CALN1: variants seen among roughly 807,000 people sequenced by gnomAD.
The protein encoded by CALN1 is calneuron 1, also known as calcium-binding protein 8.
In CALN1, 17 loss-of-function variants were observed where a neutral mutation model predicts 30.6. That is an observed-to-expected ratio of 0.56 (90% CI 0.38 to 0.83). The LOEUF (loss-of-function observed/expected upper bound fraction) is 0.83. CALN1 is among the 40% of genes least tolerant of loss of function. The pLI is 0.00. For missense variants in CALN1, 291 were observed against 354.9 expected, an observed-to-expected ratio of 0.82 and a Z score of 1.45; for synonymous variants, 156 against 131.4, an observed-to-expected ratio of 1.19 and a Z score of -1.28.
intron 3 of CALN1, among the ~76,000 whole-genome samples, chr7:72,210,342 A>G (rs1045688597): frequency 1.3e-5 from 2 of 152,240 alleles, no homozygotes; most frequent in African/African-American, 4.8e-5. Context: ...TTTTGTGCTA[A>G]GATTTTGTGC....
intron 3 of CALN1, among the ~76,000 whole-genome samples, chr7:72,267,019 A>C (rs1331849374): frequency 6.6e-6 from 1 of 152,190 alleles, no homozygotes; most frequent in Non-Finnish European, 1.5e-5. Context: ...TGGGATGATG[A>C]TGTGGCTCAT....
chr7:72,321,751 G>A (rs1450417305), intron 2 of CALN1, among the ~76,000 whole-genome samples: 1 of 152,204 alleles, frequency 6.6e-6, no homozygotes, highest in Non-Finnish European at 1.5e-5. Context: ...TATACCCGCA[G>A]TCTTTCTGGA....
At chr7:72,103,035 T>C (rs11767138) in intron 4 of CALN1, 29,962 of 138,340 alleles carry the variant, frequency 0.22, 3,333 homozygotes, top group Admixed American at 0.31. Context: ...ATTGTGCCAC[T>C]GCACTCCAGC....
intron 3 of CALN1, among the ~76,000 whole-genome samples, chr7:72,120,842 G>C (rs904487755): frequency 2.6e-5 from 4 of 152,074 alleles, no homozygotes; most frequent in Non-Finnish European, 5.9e-5. Flanking sequence ...GGGATGGTGA[G>C]TGAACCCCAC....
At chr7:72,423,415 G>T (rs1177535616) in intron 1 of CALN1, among the ~76,000 whole-genome samples, 2 of 152,182 alleles carry the variant, frequency 1.3e-5, no homozygotes, top group Non-Finnish European at 2.9e-5. Context: ...GGCAGGGCAG[G>T]AGGTTTTCCT....
intron 1 of CALN1, among the ~76,000 whole-genome samples, chr7:72,436,294 T>G (rs957807428): frequency 2.6e-5 from 4 of 152,196 alleles, no homozygotes; most frequent in African/African-American, 9.7e-5. Context: ...GTTCTCATGA[T>G]AGTGACTAAG....
chr7:72,179,374 C>T (rs1287901731), intron 3 of CALN1, among the ~76,000 whole-genome samples: 1 of 152,016 alleles, frequency 6.6e-6, no homozygotes, highest in African/African-American at 2.4e-5. Flanking sequence ...TAATGGCTAG[C>T]GCTGGCAAAT....
intron 3 of CALN1, among the ~76,000 whole-genome samples, chr7:72,172,504 C>G (rs535488760): frequency 1.3e-5 from 2 of 152,278 alleles, no homozygotes; most frequent in African/African-American, 4.8e-5. Context: ...ACCAATAACT[C>G]TAGTGAACAA....
Position 72,191,518 on chromosome 7 carries a change from C to T in CALN1, c.245-85224G>A, listed in dbSNP as rs529653217. On this transcript the variant is annotated intron_variant, in intron 3 of 6. Coordinates refer to ENST00000395275, the MANE Select transcript of CALN1 (RefSeq NM_031468.4). ...ATGGGAGGCTGAAGCAGGAGAATCG[C>T]GGGTACCCAGGAGGCAGAGGTGAGA... Among the ~76,000 whole-genome samples the T allele has an allele frequency of 4.9e-5, 6 of 122,680 alleles. No homozygotes were observed. In the East Asian group the frequency reaches 1.5e-3, roughly 30 times the overall value. The allele number at this position is 122,680 out of a possible 152,430, so 80.5% of individuals were successfully genotyped here. A position where few individuals can be genotyped will look rare whatever the true frequency, so the allele number is the denominator to read the frequency against.
chr7:72,159,183 A>G (rs1318980518), intron 3 of CALN1, among the ~76,000 whole-genome samples: 1 of 152,170 alleles, frequency 6.6e-6, no homozygotes, highest in Non-Finnish European at 1.5e-5. Context: ...AGAAACAAAC[A>G]AAAAGCCTCT....
intron 2 of CALN1, among the ~76,000 whole-genome samples, chr7:72,333,755 C>G (rs1801826940): frequency 6.6e-6 from 1 of 151,656 alleles, no homozygotes; most frequent in Non-Finnish European, 1.5e-5. Context: ...CCAGTACAGG[C>G]ACACGTGACA....
chr7:72,274,438 G>GT lies in CALN1; in HGVS notation c.244+4247dup, dbSNP rs1465857649. 2.0e-5 allele frequency among the ~76,000 whole-genome samples: 3 copies of GT among 151,720 alleles called. No individual in the cohort carries two copies. The East Asian group carries it at 5.8e-4, about 29-fold the overall frequency. ...CAGGAGAATAGCTTGAACCTGGGAG[G>GT]TGGAGGTTGCAGTGAGCAAAGATCG... On this transcript the variant is annotated intron_variant, in intron 3 of 6. Coordinates refer to ENST00000395275, the MANE Select transcript of CALN1 (RefSeq NM_031468.4).
chr7:72,382,770 C>A (rs1206059957), intron 2 of CALN1, among the ~76,000 whole-genome samples: 1 of 152,102 alleles, frequency 6.6e-6, no homozygotes, highest in African/African-American at 2.4e-5. Context: ...CCCAGGTGCA[C>A]CCATGTTGCT....
chr7:71,927,356 T>G (rs186068233), intron 5 of CALN1, among the ~76,000 whole-genome samples: 119 of 152,240 alleles, frequency 7.8e-4, no homozygotes, highest in African/African-American at 2.7e-3. Flanking sequence ...ACCACAGGCG[T>G]GCACCACCAT....
chr7:72,295,783 T>C (rs973786906), intron 2 of CALN1, among the ~76,000 whole-genome samples: 34 of 151,864 alleles, frequency 2.2e-4, no homozygotes, highest in African/African-American at 8.2e-4. Flanking sequence ...TGGGGTTTTC[T>C]AGATATACAA....
chr7:72,012,737 G>C (rs1484813481), intron 5 of CALN1, among the ~76,000 whole-genome samples: 3 of 152,298 alleles, frequency 2.0e-5, no homozygotes, highest in Admixed American at 6.5e-5. Context: ...GTGGTCTCCA[G>C]TGAGTTCTTT....
the CALN1 span, among the ~76,000 whole-genome samples, chr7:72,462,963 A>G: frequency 6.6e-6 from 1 of 152,204 alleles, no homozygotes; most frequent in Admixed American, 6.5e-5. Context: ...GAACATTACT[A>G]TAGCAACAAT....
intron 3 of CALN1, among the ~76,000 whole-genome samples, chr7:72,240,837 A>G (rs1794780430): frequency 6.6e-6 from 1 of 152,216 alleles, no homozygotes; most frequent in African/African-American, 2.4e-5. Flanking sequence ...ACCTATACAA[A>G]TCAGAGTGTA....
intron 3 of CALN1, among the ~76,000 whole-genome samples, chr7:72,148,915 AG>A (rs1307401208): frequency 6.7e-6 from 1 of 150,106 alleles, no homozygotes; most frequent in Non-Finnish European, 1.5e-5. Flanking sequence ...AACAAAAAAA[AG>A]AAAGAAAGAA....
Sources: allele counts gnomAD v4.1 joint callset (sites outside exome capture counted in the v4.1 genomes callset), GRCh38; gene constraint gnomAD v4.1.1; transcripts MANE v1.5; gene names NCBI Gene and HGNC (gene_info 2026-07-23, HGNC 2026-07-21).